The following MTUS2 variants were observed in gnomAD, a reference collection of about 807,000 sequenced individuals.
MTUS2 encodes the protein microtubule associated scaffold protein 2.
MTUS2 carries 40 observed loss-of-function variants against 114.1 expected under a neutral mutation model. That is an observed-to-expected ratio of 0.35 (90% CI 0.27 to 0.46). MTUS2 has a LOEUF of 0.46. Ranked by LOEUF, MTUS2 falls within the 20% of genes least tolerant of loss-of-function variation. The pLI is 1.00. For missense variants in MTUS2, 1,679 were observed against 1,705.4 expected (o/e 0.98, Z 0.27); for synonymous variants, 688 against 672.0 (o/e 1.02, Z -0.37).
Position 29,445,164 on chromosome 13 carries a change from G to T in MTUS2, c.3184+5115G>T, listed in dbSNP as rs1878187746. 2.0e-5 allele frequency among the ~76,000 whole-genome samples: 3 copies of T among 152,176 alleles called. No individual in the cohort carries two copies. In the South Asian group the frequency reaches 6.2e-4, roughly 31 times the overall value. On this transcript the variant is annotated intron_variant, in intron 9 of 15. Transcript: ENST00000612955. ...ATAATCTCCAATAGTTTTTAAGTAGGAATTTCCTGGCAATTGATTTACAAA... is the reference window on the plus strand; with the variant it reads ...ATAATCTCCAATAGTTTTTAAGTAGTAATTTCCTGGCAATTGATTTACAAA...
At chr13:29,047,251 A>G (rs2138584523) in intron 4 of MTUS2, among the ~76,000 whole-genome samples, 1 of 152,304 alleles carries the variant, frequency 6.6e-6, no homozygotes, top group East Asian at 1.9e-4. Context: ...AGTTTTACCC[A>G]TGCTGCAGGG....
chr13:29,144,135 A>G (rs1406700070), intron 5 of MTUS2, among the ~76,000 whole-genome samples: 1 of 152,244 alleles, frequency 6.6e-6, no homozygotes, highest in East Asian at 1.9e-4. Flanking sequence ...AAAGAGGGAC[A>G]TAAAAGTAAA....
intron 5 of MTUS2, among the ~76,000 whole-genome samples, chr13:29,276,762 G>A (rs1381990191): frequency 6.6e-6 from 1 of 152,138 alleles, no homozygotes; most frequent in Non-Finnish European, 1.5e-5. Context: ...GCCAGCCATG[G>A]TGGTGGGCGC....
chr13:28,987,338 G>A (rs1400995298), intron 2 of MTUS2, among the ~76,000 whole-genome samples: 3 of 152,140 alleles, frequency 2.0e-5, no homozygotes, highest in Admixed American at 1.3e-4. Flanking sequence ...CAGAGAGATC[G>A]AGTCGCATTG....
At chr13:29,466,360 T>G (rs17073458) in intron 9 of MTUS2, among the ~76,000 whole-genome samples, 2,927 of 152,266 alleles carry the variant, frequency 0.019, 82 homozygotes, top group African/African-American at 0.065. Context: ...AAGCCTTGCT[T>G]CTTCTGTGTC....
At chr13:28,947,669 T>C (rs1321178299) in intron 2 of MTUS2, among the ~76,000 whole-genome samples, 1 of 152,198 alleles carries the variant, frequency 6.6e-6, no homozygotes, top group Admixed American at 6.5e-5. Flanking sequence ...AGAATCTAAC[T>C]GTAGCACTTG....
At position 29,284,403 on chromosome 13, in the gene MTUS2, A is replaced by T. The variant is rs527464958; in HGVS notation, c.2806+2538A>T. ...GCAATAGAAGAATAAGCTATTTTTTAAAAAAAAAAAATGATGGCCTTCAGG... is the reference window on the plus strand; with the variant it reads ...GCAATAGAAGAATAAGCTATTTTTTTAAAAAAAAAAATGATGGCCTTCAGG... On this transcript the variant is annotated intron_variant, in intron 6 of 15. Coordinates refer to ENST00000612955, the MANE Select transcript of MTUS2 (RefSeq NM_001033602.4). Among the ~76,000 whole-genome samples, 636 of 147,586 alleles carry T rather than the reference A, an allele frequency of 4.3e-3. 2 individuals carry two copies. The highest frequency in any genetic ancestry group is 6.8e-3 in the Non-Finnish European group (451 of 66,696).
chr13:29,123,237 G>A (rs972932090), intron 5 of MTUS2, among the ~76,000 whole-genome samples: 7 of 150,494 alleles, frequency 4.7e-5, no homozygotes, highest in Admixed American at 4.6e-4. Flanking sequence ...TTAAATTATT[G>A]TTTTCTGTTT....
intron 5 of MTUS2, among the ~76,000 whole-genome samples, chr13:29,278,329 G>T (rs1244014925): frequency 1.3e-5 from 2 of 152,198 alleles, no homozygotes; most frequent in Non-Finnish European, 2.9e-5. Context: ...CACCATAAGT[G>T]TGAAGACAAG....
chr13:29,178,783 T>C (rs1175088050), intron 5 of MTUS2, among the ~76,000 whole-genome samples: 1 of 152,204 alleles, frequency 6.6e-6, no homozygotes, highest in Non-Finnish European at 1.5e-5. Flanking sequence ...TTTTCCTGTC[T>C]TTTGTGAGAG....
At chr13:29,158,102 C>T (rs1892940170) in intron 5 of MTUS2, among the ~76,000 whole-genome samples, 1 of 152,142 alleles carries the variant, frequency 6.6e-6, no homozygotes, top group Admixed American at 6.5e-5. Flanking sequence ...AATCTTCACA[C>T]AGGCACAGTC....
At chr13:29,424,044 T>G (rs1179311368) in intron 8 of MTUS2, among the ~76,000 whole-genome samples, 1 of 151,386 alleles carries the variant, frequency 6.6e-6, no homozygotes, top group African/African-American at 2.4e-5. Flanking sequence ...TTTTTTTTTT[T>G]TTAGTAGAGA....
chr13:29,258,326 G>A (rs1897347844), intron 5 of MTUS2, among the ~76,000 whole-genome samples: 1 of 152,166 alleles, frequency 6.6e-6, no homozygotes, highest in African/African-American at 2.4e-5. Context: ...GCCAGCGACA[G>A]TGTGTTGAAT....
At chr13:29,253,425 CA>C (rs58461628) in intron 5 of MTUS2, among the ~76,000 whole-genome samples, 18 of 147,466 alleles carry the variant, frequency 1.2e-4, no homozygotes, top group African/African-American at 3.0e-4. Context: ...GACTCCATCT[CA>C]AAAAAAAAAT....
At chr13:29,260,676 A>AT (rs1277468385) in intron 5 of MTUS2, among the ~76,000 whole-genome samples, 14 of 152,338 alleles carry the variant, frequency 9.2e-5, no homozygotes, top group Non-Finnish European at 1.9e-4. Context: ...ACTCAGCAGG[A>AT]TTTTTTTATG....
At chr13:29,380,597 G>T (rs964772479) in intron 8 of MTUS2, among the ~76,000 whole-genome samples, 4 of 152,196 alleles carry the variant, frequency 2.6e-5, no homozygotes, top group African/African-American at 9.7e-5. Flanking sequence ...GGGTTCATGG[G>T]TCAGTCCCTT....
chr13:29,343,175 G>T (rs1325571651), intron 7 of MTUS2, among the ~76,000 whole-genome samples: 1 of 130,098 alleles, frequency 7.7e-6, no homozygotes, highest in Non-Finnish European at 1.7e-5. Context: ...TGGCTTCATA[G>T]AATGATTTAG....
At chr13:29,369,930 A>T (rs1032826381) in intron 8 of MTUS2, among the ~76,000 whole-genome samples, 1 of 152,232 alleles carries the variant, frequency 6.6e-6, no homozygotes, top group Non-Finnish European at 1.5e-5. Context: ...AAGGAGGAAG[A>T]AAAAGAAAGG....
At chr13:28,927,778 T>C (rs1881400524) in intron 2 of MTUS2, among the ~76,000 whole-genome samples, 1 of 152,164 alleles carries the variant, frequency 6.6e-6, no homozygotes, top group African/African-American at 2.4e-5. Context: ...TAAAAATTTA[T>C]ATGTAACCAC....
Sources: gnomAD v4.1 joint callset for allele counts (sites outside exome capture counted in the v4.1 genomes callset) on GRCh38, gnomAD v4.1.1 for gene constraint, MANE v1.5 for transcripts, NCBI Gene and HGNC (gene_info 2026-07-23, HGNC 2026-07-21) for gene names.